The following ARID4B variants were observed in gnomAD, a reference collection of about 807,000 sequenced individuals.
ARID4B encodes the protein AT-rich interactive domain-containing protein 4B.
A neutral mutation model predicts 147.5 loss-of-function variants in ARID4B; 26 were observed. The ratio of observed to expected loss-of-function variants is 0.18; its 90% CI spans 0.13 to 0.24. ARID4B has a LOEUF of 0.24. Among genes scored for constraint, ARID4B ranks in the 10% least tolerant of loss-of-function variants. The pLI, the probability that ARID4B is intolerant of heterozygous loss-of-function variation, is 1.00. For missense variants in ARID4B, 1,179 were observed against 1,511.5 expected (o/e 0.78, Z 3.65); for synonymous variants, 512 against 507.9 (o/e 1.01, Z -0.11).
chr1:235,203,509 ACT>A (rs1666091016), intron 17 of ARID4B, among the ~76,000 whole-genome samples: 2 of 152,266 alleles, frequency 1.3e-5, no homozygotes, highest in Non-Finnish European at 2.9e-5. Context: ...TTGAAACCTC[ACT>A]CTTTGAAATA....
intron 10 of ARID4B, among the ~76,000 whole-genome samples, chr1:235,230,753 C>A (rs1668164792): frequency 6.6e-6 from 1 of 151,822 alleles, no homozygotes; most frequent in Non-Finnish European, 1.5e-5. Flanking sequence ...GAAACCCCAG[C>A]TCTATTAAAA....
Position 235,183,169 on chromosome 1 carries a change from G to C in ARID4B, c.2126-376C>G, listed in dbSNP as rs146955205. Reference sequence around the variant, plus strand: ...TCATAATATATCTGAGAAAATAGTGGAGTCAGGATATAATCCCAGATTGTG... The same window carrying C: ...TCATAATATATCTGAGAAAATAGTGCAGTCAGGATATAATCCCAGATTGTG... On this transcript the variant is annotated intron_variant, in intron 19 of 23. Transcript: ENST00000264183. Among the ~76,000 whole-genome samples, 499 of 151,104 alleles carry C rather than the reference G, an allele frequency of 3.3e-3. 11 individuals carry two copies. Among genetic ancestry groups the C allele is most frequent in the Admixed American group, 0.03 (461 of 15,182 alleles).
chr1:235,240,433 T>C lies in ARID4B; in HGVS notation c.465A>G (p.Ser155=), dbSNP rs1336331372. Residue 155 remains serine, a synonymous_variant, in exon 8 of 24, where the codon TCA becomes TCG. Transcript: ENST00000264183. The part of the protein sequence containing the change: ...RSNHIPEEES[S]SSSSDEDEDD... Reference sequence around the variant, plus strand: ...CCTCATCTTCATCACTGGAGGATGATGAAGACTCTTCCTCTGGTCTAGGGA... The same window carrying C: ...CCTCATCTTCATCACTGGAGGATGACGAAGACTCTTCCTCTGGTCTAGGGA... 2 of 1,613,344 alleles carry C rather than the reference T, an allele frequency of 1.2e-6. No homozygotes were observed. Among genetic ancestry groups the C allele is most frequent in the East Asian group, 2.2e-5 (1 of 44,786 alleles).
At chr1:235,262,697 T>C (rs1432232850) in intron 2 of ARID4B, among the ~76,000 whole-genome samples, 5 of 152,122 alleles carry the variant, frequency 3.3e-5, no homozygotes, top group Admixed American at 6.5e-5. Flanking sequence ...TGGCCACGCA[T>C]TGTGGCTCAC....
At chr1:235,174,644 TACA>T (rs1427220345) in intron 22 of ARID4B, among the ~76,000 whole-genome samples, 1 of 148,382 alleles carries the variant, frequency 6.7e-6, no homozygotes, top group Non-Finnish European at 1.5e-5. Flanking sequence ...CTACTAAAAA[TACA>T]ACAACAACAA....
intron 2 of ARID4B, among the ~76,000 whole-genome samples, chr1:235,304,895 G>T (rs1481721769): frequency 6.6e-6 from 1 of 152,190 alleles, no homozygotes; most frequent in Admixed American, 6.6e-5. Context: ...TCATTTTATA[G>T]CGAGGCCTAA....
At chr1:235,308,619 T>G (rs1262536453) in intron 2 of ARID4B, among the ~76,000 whole-genome samples, 1 of 151,974 alleles carries the variant, frequency 6.6e-6, no homozygotes, top group Non-Finnish European at 1.5e-5. Context: ...CGATTGCAGG[T>G]GCGCGCTGCC....
chr1:235,302,174 A>C (rs1015603102), intron 2 of ARID4B, among the ~76,000 whole-genome samples: 1 of 146,278 alleles, frequency 6.8e-6, no homozygotes, highest in Non-Finnish European at 1.5e-5. Context: ...AAAAAAAAAA[A>C]AAACAGCAAA....
chr1:235,214,497 C>G (rs1482634976), intron 16 of ARID4B, among the ~76,000 whole-genome samples: 1 of 151,992 alleles, frequency 6.6e-6, no homozygotes. Context: ...GCTCTGTCAC[C>G]CAAGCTGGAG....
chr1:235,324,040 G>C (rs1675042469), intron 2 of ARID4B, among the ~76,000 whole-genome samples: 1 of 151,766 alleles, frequency 6.6e-6, no homozygotes, highest in African/African-American at 2.4e-5. Context: ...CGAATAGCTG[G>C]GATTACAGGT....
chr1:235,279,461 A>T (rs10925306), intron 2 of ARID4B, among the ~76,000 whole-genome samples: 44,750 of 152,154 alleles, frequency 0.29, 7,707 homozygotes, highest in South Asian at 0.53. Flanking sequence ...AAATACGGCC[A>T]TAAAGGCAGA....
intron 17 of ARID4B, among the ~76,000 whole-genome samples, chr1:235,199,350 C>CT (rs1486576025): frequency 1.3e-5 from 2 of 152,006 alleles, no homozygotes; most frequent in East Asian, 1.9e-4. Flanking sequence ...TGTTTTGACA[C>CT]TAAGTTTTTG....
chr1:235,231,196 ATTTT>A lies in ARID4B; in HGVS notation c.666-11_666-8del, dbSNP rs754404854. 4 of 1,323,148 alleles carry A rather than the reference ATTTT, an allele frequency of 3.0e-6. No individual in the cohort carries two copies. Among genetic ancestry groups the A allele is most frequent in the Non-Finnish European group, 4.0e-6 (4 of 1,001,538 alleles). 82.0% of individuals were successfully genotyped at this position (1,323,148 alleles called of 1,614,324 possible). A position where few individuals can be genotyped will look rare whatever the true frequency, so the allele number is the denominator to read the frequency against. On this transcript the variant is annotated splice_polypyrimidine_tract_variant and splice_region_variant and intron_variant, in intron 9 of 23. Coordinates refer to ENST00000264183, the MANE Select transcript of ARID4B (RefSeq NM_016374.6). ...TTTTCTTGGAACTGAAGTACTATAT[ATTTT>A]TTTTAATTATAAGAGAAGAAAAAAA...
At position 235,327,932 on chromosome 1, in the gene ARID4B, G is replaced by C. The variant is rs1017436840; in HGVS notation, c.-213C>G. The C allele has an allele frequency of 6.6e-6, 1 of 152,508 alleles. No homozygotes were observed. The highest frequency in any genetic ancestry group is 2.4e-5 in the African/African-American group (1 of 41,438). 9.4% of individuals were successfully genotyped at this position (152,508 alleles called of 1,614,324 possible). On this transcript the variant is annotated 5_prime_UTR_variant, in exon 1 of 24. Transcript: ENST00000264183. ...CCTCCTCCTCCCGCGGCGGCGACTG[G>C]TACCTTTGTTTGGCGGCCGCTCGGG...
chr1:235,188,374 C>A (rs1235811139), intron 19 of ARID4B, among the ~76,000 whole-genome samples: 1 of 152,160 alleles, frequency 6.6e-6, no homozygotes, highest in Non-Finnish European at 1.5e-5. Context: ...TAATTACTGA[C>A]TGCCCTAGTG....
intron 2 of ARID4B, among the ~76,000 whole-genome samples, chr1:235,274,241 C>T (rs530931052): frequency 3.8e-4 from 57 of 151,636 alleles, no homozygotes; most frequent in Non-Finnish European, 6.8e-4. Flanking sequence ...ATTAGCTGGG[C>T]GTGGTGGTGG....
At chr1:235,292,493 G>A (rs1672403166) in intron 2 of ARID4B, among the ~76,000 whole-genome samples, 1 of 151,978 alleles carries the variant, frequency 6.6e-6, no homozygotes, top group Admixed American at 6.6e-5. Flanking sequence ...GCTCATGCCT[G>A]TAATCCCAGC....
At chr1:235,323,507 G>A (rs1180874976) in intron 2 of ARID4B, among the ~76,000 whole-genome samples, 2 of 152,088 alleles carry the variant, frequency 1.3e-5, no homozygotes, top group African/African-American at 2.4e-5. Flanking sequence ...AAAATCGGCC[G>A]GGCGCAGTGG....
chr1:235,224,633 A>C, intron 12 of ARID4B, 70 bp downstream of exon 12: 2 of 1,097,832 alleles, frequency 1.8e-6, no homozygotes, highest in Non-Finnish European at 1.3e-6. Flanking sequence ...ACAAAATTCT[A>C]TTCTTATTTT....
Sources: allele counts gnomAD v4.1 joint callset (sites outside exome capture counted in the v4.1 genomes callset), GRCh38; gene constraint gnomAD v4.1.1; transcripts MANE v1.5; gene names NCBI Gene and HGNC (gene_info 2026-07-23, HGNC 2026-07-21).